Variants in IWS1 observed in about 807,000 individuals in gnomAD.
The protein encoded by IWS1 is protein IWS1 homolog.
A neutral mutation model predicts 86.7 loss-of-function variants in IWS1; 27 were observed. The observed-to-expected ratio is 0.31, with a 90% confidence interval of 0.23 to 0.43. The LOEUF is 0.43. Among genes scored for constraint, IWS1 ranks in the 20% least tolerant of loss-of-function variants. The pLI, the probability that IWS1 is intolerant of heterozygous loss-of-function variation, is 1.00. For missense variants in IWS1, 827 were observed against 1,000.8 expected (o/e 0.83, Z 2.34); for synonymous variants, 313 against 335.1 (o/e 0.93, Z 0.72).
intron 2 of IWS1, among the ~76,000 whole-genome samples, chr2:127,517,053 A>T (rs981667048): frequency 6.6e-6 from 1 of 152,184 alleles, no homozygotes; most frequent in African/African-American, 2.4e-5. Flanking sequence ...AAATTTAACA[A>T]AGAAATCGAA....
intron 1 of IWS1, among the ~76,000 whole-genome samples, chr2:127,524,783 T>C (rs1692300794): frequency 6.6e-6 from 1 of 152,072 alleles, no homozygotes; most frequent in African/African-American, 2.4e-5. Context: ...CCTCAGGTGT[T>C]TGCCACCGTG....
At chr2:127,497,874 T>C (rs1032040019) in intron 6 of IWS1, among the ~76,000 whole-genome samples, 1 of 152,208 alleles carries the variant, frequency 6.6e-6, no homozygotes, top group Non-Finnish European at 1.5e-5. Context: ...AGGTTATTTT[T>C]CATAAGAGTT....
chr2:127,523,821 A>T, intron 1 of IWS1, 30 bp from the exon 2 acceptor site: 1 of 1,428,978 alleles, frequency 7.0e-7, no homozygotes, highest in Non-Finnish European at 9.8e-7. Flanking sequence ...AAACCAACTT[A>T]TGGTGTAAGA....
At chr2:127,487,700 G>A (rs182393890) in intron 12 of IWS1, among the ~76,000 whole-genome samples, 14 of 152,120 alleles carry the variant, frequency 9.2e-5, no homozygotes, top group African/African-American at 2.4e-4. Context: ...ACAGGCGCCC[G>A]CCACCACGTC....
At chr2:127,485,630 C>T (rs1239488214) in intron 13 of IWS1, among the ~76,000 whole-genome samples, 1 of 152,056 alleles carries the variant, frequency 6.6e-6, no homozygotes, top group East Asian at 1.9e-4. Flanking sequence ...CAGGAAGACC[C>T]AAATGCATAT....
intron 9 of IWS1, among the ~76,000 whole-genome samples, chr2:127,492,301 T>C (rs528851365): frequency 6.6e-6 from 1 of 152,224 alleles, no homozygotes; most frequent in Non-Finnish European, 1.5e-5. Context: ...TCCCAGCACT[T>C]TGGGAGGCTG....
chr2:127,480,890 A>T lies in IWS1; in HGVS notation c.*154T>A. 1.3e-6 allele frequency: 1 copy of T among 763,850 alleles called. No homozygotes were observed. The highest frequency in any genetic ancestry group is 2.1e-6 in the Non-Finnish European group (1 of 484,888). The allele number at this position is 763,850 out of a possible 1,614,324, so 47.3% of individuals were successfully genotyped here. A position where few individuals can be genotyped will look rare whatever the true frequency, so the allele number is the denominator to read the frequency against. ...TTTGTACAAAGTACACAACGGTTTT[A>T]AATATAACTGAGAGAAATGTGAGTC... is the stretch of plus-strand genomic sequence containing the variant. On this transcript the variant is annotated 3_prime_UTR_variant, in exon 14 of 14. Coordinates refer to ENST00000295321, the MANE Select transcript of IWS1 (RefSeq NM_017969.3).
intron 9 of IWS1, 193 bp downstream of exon 9, chr2:127,493,088 C>A (rs998540700): frequency 4.6e-6 from 2 of 434,284 alleles, no homozygotes; most frequent in Non-Finnish European, 3.9e-6. Flanking sequence ...CCCTTCAATG[C>A]GATAGTTACA....
At chr2:127,525,873 T>C (rs1181330663) in intron 1 of IWS1, among the ~76,000 whole-genome samples, 1 of 152,118 alleles carries the variant, frequency 6.6e-6, no homozygotes, top group Non-Finnish European at 1.5e-5. Context: ...TACTGAAAAC[T>C]CTCTTAACAG....
chr2:127,489,838 A>G lies in IWS1; in HGVS notation c.2153T>C (p.Met718Thr), dbSNP rs749615081. 6.3e-7 allele frequency: 1 copy of G among 1,579,660 alleles called. No homozygotes were observed. Among genetic ancestry groups the G allele is most frequent in the South Asian group, 1.1e-5 (1 of 90,408 alleles). ...CATACCTGTTCCCTCATACCTGTTC[A>G]TTCTTCGTCGTTGAGGCATCTGTTC... ...DLEQMPQRRR[M>T]NSTGGQTPRR... is the part of the protein sequence containing the mutation. The change falls in exon 11 of 14, where the codon ATG (methionine) becomes ACG (threonine). Residue 718 changes from methionine (M) to threonine (T), a missense_variant. This residue lies in a region of IWS1 where 279 missense variants were observed against 440.6 expected (regional missense o/e 0.63). Coordinates refer to ENST00000295321, the MANE Select transcript of IWS1 (RefSeq NM_017969.3). This position sits in a 1 kb window ranked among gnomAD's most constrained non-coding sequence, Gnocchi z 4.8.
intron 13 of IWS1, among the ~76,000 whole-genome samples, chr2:127,486,255 T>C (rs2105022788): frequency 6.6e-6 from 1 of 152,336 alleles, no homozygotes; most frequent in East Asian, 1.9e-4. Flanking sequence ...ATCAGAATAC[T>C]CCAGGTTTCA....
chr2:127,503,030 C>T (rs1003963506), intron 4 of IWS1, among the ~76,000 whole-genome samples, 158 bp from the exon 5 acceptor site: 1 of 152,118 alleles, frequency 6.6e-6, no homozygotes, highest in East Asian at 1.9e-4. Context: ...GTAACCAGCA[C>T]CCTATACACT....
intron 12 of IWS1, 106 bp from the exon 13 acceptor site, chr2:127,486,770 G>A: frequency 2.4e-6 from 2 of 846,816 alleles, no homozygotes; most frequent in South Asian, 1.5e-5. Flanking sequence ...AAGCTGCAAT[G>A]TTCGAAACTC....
intron 2 of IWS1, among the ~76,000 whole-genome samples, chr2:127,508,352 CA>C (rs34354936): frequency 0.51 from 76,932 of 151,454 alleles, 21,334 homozygotes; most frequent in Admixed American, 0.66. Context: ...AACTGAGCTG[CA>C]AAAAAAAGGT....
intron 8 of IWS1, 113 bp downstream of exon 8, chr2:127,494,759 T>C: frequency 1.9e-6 from 1 of 520,142 alleles, no homozygotes. Flanking sequence ...ATTATCTTTC[T>C]GTGAACCGAT....
At chr2:127,518,342 C>T (rs887914794) in intron 2 of IWS1, among the ~76,000 whole-genome samples, 5 of 152,010 alleles carry the variant, frequency 3.3e-5, no homozygotes, top group African/African-American at 9.7e-5. Context: ...ATGGCAAAAC[C>T]CCATTGCTAC....
chr2:127,495,130 C>T (rs1428612986), intron 7 of IWS1, among the ~76,000 whole-genome samples, 176 bp from the exon 8 acceptor site: 1 of 152,148 alleles, frequency 6.6e-6, no homozygotes, highest in Non-Finnish European at 1.5e-5. Context: ...CTGTCTATGT[C>T]AGTCAAACCC....
At position 127,489,130 on chromosome 2, in the gene IWS1, G is replaced by C. The variant is rs771459972; in HGVS notation, c.2216+49C>G. 7.5e-7 allele frequency: 1 copy of C among 1,328,348 alleles called. No homozygotes were observed. Among genetic ancestry groups the C allele is most frequent in the South Asian group, 1.3e-5 (1 of 79,412 alleles). The allele number at this position is 1,328,348 out of a possible 1,614,324, so 82.3% of individuals were successfully genotyped here. A position where few individuals can be genotyped will look rare whatever the true frequency, so the allele number is the denominator to read the frequency against. Reference sequence around the variant, plus strand: ...TACTACTTTTCTTAAAGCAGCAAACGGAAATTCTCTATATAGTCTAGGAAG... The same window carrying C: ...TACTACTTTTCTTAAAGCAGCAAACCGAAATTCTCTATATAGTCTAGGAAG... On this transcript the variant is annotated intron_variant, in intron 12 of 13. Transcript: ENST00000295321. The surrounding 1 kb of genome is among the most constrained non-coding windows in gnomAD (Gnocchi z 4.8).
chr2:127,522,601 CAG>C (rs1341086421), intron 2 of IWS1, among the ~76,000 whole-genome samples: 1 of 152,168 alleles, frequency 6.6e-6, no homozygotes, highest in Non-Finnish European at 1.5e-5. Context: ...TGTCAAAGGA[CAG>C]AGTCAATATA....
Sources: gnomAD v4.1 joint callset for allele counts (sites outside exome capture counted in the v4.1 genomes callset) on GRCh38, gnomAD v4.1.1 for gene constraint, gnomAD v4.1.1 regional missense constraint, Gnocchi (gnomAD v3.1) non-coding constraint, MANE v1.5 for transcripts, NCBI Gene and HGNC (gene_info 2026-07-23, HGNC 2026-07-21) for gene names.